Variants in IMMP2L observed in about 807,000 individuals in gnomAD.
IMMP2L encodes the protein mitochondrial inner membrane protease subunit 2.
A neutral mutation model predicts 19.3 loss-of-function variants in IMMP2L; 18 were observed. That is an observed-to-expected ratio of 0.93 (90% CI 0.64 to 1.38). The LOEUF is 1.38. Among genes scored for constraint, IMMP2L ranks in the 40% most tolerant of loss-of-function variants. The probability of loss-of-function intolerance (pLI) is 0.00; values close to 1 mark genes in which losing one functional copy is unlikely to be tolerated. For missense variants in IMMP2L, 233 were observed against 218.2 expected (o/e 1.07, Z -0.43); for synonymous variants, 76 against 73.0 (o/e 1.04, Z -0.21).
intron 3 of IMMP2L, among the ~76,000 whole-genome samples, chr7:111,445,181 GA>G (rs1045635586): frequency 6.6e-6 from 1 of 151,234 alleles, no homozygotes; most frequent in Non-Finnish European, 1.5e-5. Flanking sequence ...GATTTATAGG[GA>G]AAAAAAAGTC....
At chr7:110,747,206 G>C (rs1369874335) in intron 5 of IMMP2L, among the ~76,000 whole-genome samples, 1 of 152,132 alleles carries the variant, frequency 6.6e-6, no homozygotes, top group Non-Finnish European at 1.5e-5. Flanking sequence ...CCAGGAAGAA[G>C]TGGAATCCCT....
chr7:111,280,024 T>C (rs1286991232), intron 3 of IMMP2L, among the ~76,000 whole-genome samples: 3 of 152,066 alleles, frequency 2.0e-5, no homozygotes, highest in Non-Finnish European at 4.4e-5. Flanking sequence ...TAAGCCAGGA[T>C]TTATCTATCT....
At chr7:111,430,229 G>C (rs546843276) in intron 3 of IMMP2L, among the ~76,000 whole-genome samples, 3 of 151,694 alleles carry the variant, frequency 2.0e-5, no homozygotes, top group Non-Finnish European at 4.4e-5. Context: ...TAATAACAAA[G>C]TAAAGAAATA....
chr7:111,062,287 C>T (rs1300097408), intron 3 of IMMP2L, among the ~76,000 whole-genome samples: 4 of 152,126 alleles, frequency 2.6e-5, no homozygotes, highest in Non-Finnish European at 4.4e-5. Context: ...AAGGGAAACT[C>T]CCATTTTTAA....
At chr7:111,421,259 G>C (rs1044697342) in intron 3 of IMMP2L, among the ~76,000 whole-genome samples, 1 of 134,928 alleles carries the variant, frequency 7.4e-6, no homozygotes, top group African/African-American at 2.8e-5. Context: ...GGGGTTGTTT[G>C]TTTTTTTCTT....
intron 5 of IMMP2L, among the ~76,000 whole-genome samples, chr7:110,812,889 C>T (rs1447069067): frequency 6.6e-6 from 1 of 151,770 alleles, no homozygotes; most frequent in Non-Finnish European, 1.5e-5. Flanking sequence ...AAAAAAAAGG[C>T]AAATCAAGCA....
chr7:110,850,791 G>A (rs957793033), intron 5 of IMMP2L, among the ~76,000 whole-genome samples: 1 of 151,670 alleles, frequency 6.6e-6, no homozygotes, highest in African/African-American at 2.4e-5. Flanking sequence ...GGACAGAAGA[G>A]CTGACAAAAG....
In IMMP2L at chr7:110,667,024, A is replaced by G. The variant is rs190753878; in HGVS notation, c.409-3303T>C. Among the ~76,000 whole-genome samples, 556 of 152,236 alleles carry G rather than the reference A, an allele frequency of 3.7e-3. 4 individuals are homozygous for G. Among genetic ancestry groups the G allele is most frequent in the African/African-American group, 9.2e-3 (381 of 41,556 alleles). ...GTAGCTGGGACTACGGGCACCAGCC[A>G]CCACGCCCAGCTAATTTTTTGTATT... On this transcript the variant is annotated intron_variant, in intron 5 of 5. Transcript: ENST00000405709.
intron 4 of IMMP2L, among the ~76,000 whole-genome samples, chr7:110,887,224 C>T (rs1270160265): frequency 6.6e-6 from 1 of 152,018 alleles, no homozygotes; most frequent in Non-Finnish European, 1.5e-5. Flanking sequence ...TTGTTAGATA[C>T]AAACTATCAG....
intron 3 of IMMP2L, among the ~76,000 whole-genome samples, chr7:111,091,873 A>G (rs1796905824): frequency 6.6e-6 from 1 of 151,992 alleles, no homozygotes; most frequent in Admixed American, 6.6e-5. Flanking sequence ...GAGAGAAGAC[A>G]GAGAGGAGAC....
At chr7:111,360,534 G>C (rs1791872537) in intron 3 of IMMP2L, among the ~76,000 whole-genome samples, 1 of 152,144 alleles carries the variant, frequency 6.6e-6, no homozygotes, top group African/African-American at 2.4e-5. Context: ...ATCTAAAACA[G>C]GCCTGGGGCA....
chr7:111,335,219 C>T lies in IMMP2L; in HGVS notation c.239+152019G>A, dbSNP rs185330981. 1.8e-3 allele frequency among the ~76,000 whole-genome samples: 269 copies of T among 152,208 alleles called. 3 individuals carry two copies. The highest frequency in any genetic ancestry group is 6.2e-3 in the African/African-American group (256 of 41,542). ...AGCCTCCCTCACCTTCTCTTTGGAA[C>T]AGATCTTACATATTTAAAACCATAT... On this transcript the variant is annotated intron_variant, in intron 3 of 5. Transcript: ENST00000405709.
intron 3 of IMMP2L, among the ~76,000 whole-genome samples, chr7:111,464,111 G>A (rs1278034017): frequency 2.0e-5 from 3 of 151,960 alleles, no homozygotes; most frequent in Admixed American, 6.6e-5. Context: ...CCTCTACCAC[G>A]TACTAGATTA....
chr7:110,696,022 A>G (rs1793851064), intron 5 of IMMP2L, among the ~76,000 whole-genome samples: 1 of 152,164 alleles, frequency 6.6e-6, no homozygotes, highest in African/African-American at 2.4e-5. Context: ...AGAAAGAGAA[A>G]CCACTTTTCA....
intron 3 of IMMP2L, among the ~76,000 whole-genome samples, chr7:111,409,137 AAAT>A (rs1834149905): frequency 1.3e-5 from 2 of 151,782 alleles, no homozygotes; most frequent in Non-Finnish European, 2.9e-5. Flanking sequence ...TTTTTGTTCC[AAAT>A]AATGTTTTTG....
intron 2 of IMMP2L, among the ~76,000 whole-genome samples, chr7:111,508,233 T>A (rs1437092506): frequency 1.3e-5 from 2 of 151,746 alleles, no homozygotes; most frequent in Non-Finnish European, 2.9e-5. Context: ...GATAACTAAA[T>A]AGTCTTAAAA....
intron 3 of IMMP2L, among the ~76,000 whole-genome samples, chr7:110,986,516 G>C (rs760370318): frequency 1.3e-5 from 2 of 152,090 alleles, no homozygotes; most frequent in Non-Finnish European, 2.9e-5. Context: ...CAGGTTGTGG[G>C]GAAAATAATC....
chr7:110,705,250 T>C (rs1013817187), intron 5 of IMMP2L, among the ~76,000 whole-genome samples: 1 of 152,134 alleles, frequency 6.6e-6, no homozygotes, highest in African/African-American at 2.4e-5. Context: ...ATCAAACAGT[T>C]ATATTAGAGG....
chr7:110,960,539 G>T (rs923262751), intron 4 of IMMP2L, among the ~76,000 whole-genome samples: 16 of 151,648 alleles, frequency 1.1e-4, no homozygotes, highest in Non-Finnish European at 5.9e-5. Flanking sequence ...GATTTGCATC[G>T]TATCTATATA....
Sources: allele counts gnomAD v4.1 joint callset (sites outside exome capture counted in the v4.1 genomes callset), GRCh38; gene constraint gnomAD v4.1.1; transcripts MANE v1.5; gene names NCBI Gene and HGNC (gene_info 2026-07-23, HGNC 2026-07-21).